The following BLMH variants were observed in gnomAD, a reference collection of about 807,000 sequenced individuals.
The protein encoded by BLMH is bleomycin hydrolase, also known as BLM hydrolase.
BLMH carries 32 observed loss-of-function variants against 61.6 expected under a neutral mutation model. The ratio of observed to expected loss-of-function variants is 0.52; its 90% CI spans 0.39 to 0.70. BLMH has a LOEUF of 0.70. BLMH is among the 30% of genes least tolerant of loss of function. BLMH has a pLI of 0.00. For missense variants in BLMH, 460 were observed against 555.5 expected, an observed-to-expected ratio of 0.83 and a Z score of 1.73; for synonymous variants, 183 against 193.8, an observed-to-expected ratio of 0.94 and a Z score of 0.46.
At chr17:30,255,970 T>C (rs1167778868) in intron 11 of BLMH, among the ~76,000 whole-genome samples, 1 of 152,192 alleles carries the variant, frequency 6.6e-6, no homozygotes, top group African/African-American at 2.4e-5. Flanking sequence ...CACTGCAGCC[T>C]CAAACTCCTG....
chr17:30,291,128 C>A, intron 2 of BLMH, 183 bp downstream of exon 2: 1 of 702,230 alleles, frequency 1.4e-6, no homozygotes, highest in Non-Finnish European at 2.3e-6. Context: ...ACTAACAAGC[C>A]ACAGAACAGC....
At chr17:30,276,349 G>A (rs1022138294) in intron 6 of BLMH, among the ~76,000 whole-genome samples, 1 of 152,180 alleles carries the variant, frequency 6.6e-6, no homozygotes, top group East Asian at 1.9e-4. Flanking sequence ...CCAGTAAATG[G>A]CAGAATTAGG....
chr17:30,253,702 C>A (rs893744878), intron 11 of BLMH, among the ~76,000 whole-genome samples: 5 of 152,154 alleles, frequency 3.3e-5, no homozygotes, highest in Non-Finnish European at 7.4e-5. Flanking sequence ...AAAATAAAAA[C>A]CTGCTCCAGG....
intron 10 of BLMH, among the ~76,000 whole-genome samples, chr17:30,268,459 C>G (rs890149432): frequency 2.0e-5 from 3 of 152,066 alleles, no homozygotes; most frequent in African/African-American, 7.2e-5. Flanking sequence ...GGATCAAAAA[C>G]TCTAGTGGAA....
intron 11 of BLMH, among the ~76,000 whole-genome samples, chr17:30,250,863 A>G (rs1907650924): frequency 6.6e-6 from 1 of 152,216 alleles, no homozygotes; most frequent in Non-Finnish European, 1.5e-5. Context: ...GTGGATAAAG[A>G]AAATGTGATA....
In BLMH at chr17:30,285,879, C is replaced by T. The variant is rs1048579079; in HGVS notation, c.553-399G>A. Among the ~76,000 whole-genome samples the T allele has an allele frequency of 5.3e-5, 8 of 152,182 alleles. No individual in the cohort carries two copies. The South Asian group carries it at 6.2e-4, about 12-fold the overall frequency. Reference sequence around the variant, plus strand: ...GAATTTCAATAGCTGTCCATTTTTCCTTCTCTGCCGGCTGACTATGACTAT... The same window carrying T: ...GAATTTCAATAGCTGTCCATTTTTCTTTCTCTGCCGGCTGACTATGACTAT... On this transcript the variant is annotated intron_variant, in intron 5 of 11. Transcript: ENST00000261714.
At chr17:30,282,921 T>G (rs1345339940) in intron 6 of BLMH, among the ~76,000 whole-genome samples, 1 of 152,204 alleles carries the variant, frequency 6.6e-6, no homozygotes, top group Non-Finnish European at 1.5e-5. Context: ...TGCACAATCT[T>G]TGGGAGGCTA....
At chr17:30,282,893 G>A (rs186023944) in intron 6 of BLMH, among the ~76,000 whole-genome samples, 126 of 152,302 alleles carry the variant, frequency 8.3e-4, no homozygotes, top group Middle Eastern at 3.4e-3. Flanking sequence ...CAGGTATGGC[G>A]GCTCACACTT....
chr17:30,249,246 T>A (rs1199844785), intron 11 of BLMH, 78 bp from the exon 12 acceptor site: 1 of 1,444,902 alleles, frequency 6.9e-7, no homozygotes, highest in East Asian at 2.3e-5. Flanking sequence ...AGGATAAACC[T>A]TTTACAAAAC....
chr17:30,288,508 C>G (rs563791216), intron 3 of BLMH, among the ~76,000 whole-genome samples: 1 of 151,792 alleles, frequency 6.6e-6, no homozygotes, highest in Non-Finnish European at 1.5e-5. Flanking sequence ...GTGCACCACG[C>G]GTGGCTAATT....
rs1324409437 is a variant in BLMH at position 30,279,054 on chromosome 17, A to C, written c.646-4857T>G. 3.9e-5 allele frequency among the ~76,000 whole-genome samples: 6 copies of C among 152,228 alleles called. No homozygotes were observed. In the South Asian group the frequency reaches 1.2e-3, roughly 32 times the overall value. On this transcript the variant is annotated intron_variant, in intron 6 of 11. Transcript: ENST00000261714. ...GTGGACTTGGAATATGGGCTTTCCA[A>C]AATGCTGGAAAGCTGAAGGCAAAGA...
chr17:30,286,405 G>A (rs1032500423), intron 5 of BLMH, among the ~76,000 whole-genome samples: 3 of 152,132 alleles, frequency 2.0e-5, no homozygotes, highest in Admixed American at 6.5e-5. Context: ...GTCTGGGGAA[G>A]TCTCAGAACA....
At position 30,274,038 on chromosome 17, in the gene BLMH, C is replaced by T. The variant is rs749434555; in HGVS notation, c.801+4G>A. The stretch of plus-strand genomic sequence containing the variant: ...GCCAGTGACTACCAGTGCCATTCAC[C>T]AACCTTATCTTCCATATTGAAGAGT... On this transcript the variant is annotated splice_donor_region_variant and intron_variant, in intron 7 of 11. Coordinates refer to ENST00000261714, the MANE Select transcript of BLMH (RefSeq NM_000386.4). 1.9e-6 allele frequency: 3 copies of T among 1,614,056 alleles called. No homozygotes were observed. Among genetic ancestry groups the T allele is most frequent in the Non-Finnish European group, 2.5e-6 (3 of 1,179,988 alleles).
intron 2 of BLMH, 156 bp downstream of exon 2, chr17:30,291,155 G>T (rs1908874232): frequency 2.2e-6 from 2 of 903,746 alleles, no homozygotes; most frequent in East Asian, 2.7e-5. Flanking sequence ...AACCACATGG[G>T]TAATGTTCTT....
intron 11 of BLMH, among the ~76,000 whole-genome samples, chr17:30,263,597 G>A (rs1908020964): frequency 6.6e-6 from 1 of 152,168 alleles, no homozygotes; most frequent in Non-Finnish European, 1.5e-5. Context: ...TAATCCAACT[G>A]GTACAGTAAA....
chr17:30,264,054 A>G (rs1908033262), intron 11 of BLMH, among the ~76,000 whole-genome samples: 1 of 152,256 alleles, frequency 6.6e-6, no homozygotes, highest in Admixed American at 6.5e-5. Context: ...ATAATAACAT[A>G]CTATGCGCTC....
chr17:30,257,807 G>A (rs1000360707), intron 11 of BLMH, among the ~76,000 whole-genome samples: 6 of 151,952 alleles, frequency 3.9e-5, no homozygotes, highest in African/African-American at 1.5e-4. Context: ...TTTCTCATAG[G>A]GCTCAGCTTC....
intron 6 of BLMH, among the ~76,000 whole-genome samples, chr17:30,277,070 C>G (rs1245768468): frequency 6.6e-6 from 1 of 152,168 alleles, no homozygotes; most frequent in African/African-American, 2.4e-5. Context: ...TTAACAGAAG[C>G]AAGTTAACTT....
At chr17:30,251,932 A>G (rs1398432732) in intron 11 of BLMH, 1 of 152,268 alleles carries the variant, frequency 6.6e-6, no homozygotes, top group Non-Finnish European at 1.5e-5. Flanking sequence ...ATGAATATAA[A>G]CAATATATTT....
Sources: gnomAD v4.1 joint callset for allele counts (sites outside exome capture counted in the v4.1 genomes callset) on GRCh38, gnomAD v4.1.1 for gene constraint, MANE v1.5 for transcripts, NCBI Gene and HGNC (gene_info 2026-07-23, HGNC 2026-07-21) for gene names.